MCMBP: variants seen among roughly 807,000 people sequenced by gnomAD.
The protein encoded by MCMBP is minichromosome maintenance complex binding protein.
MCMBP carries 31 observed loss-of-function variants against 81.3 expected under a neutral mutation model. The observed-to-expected ratio is 0.38, with a 90% CI of 0.29 to 0.51. MCMBP has a LOEUF of 0.51. Ranked by LOEUF, MCMBP falls within the 20% of genes least tolerant of loss-of-function variation. MCMBP has a pLI of 0.87. For missense variants in MCMBP, 645 were observed against 772.1 expected, an observed-to-expected ratio of 0.84 and a Z score of 1.95; for synonymous variants, 267 against 275.9, an observed-to-expected ratio of 0.97 and a Z score of 0.32.
intron 1 of MCMBP, among the ~76,000 whole-genome samples, chr10:119,864,216 T>G (rs1853367782): frequency 6.6e-6 from 1 of 152,258 alleles, no homozygotes; most frequent in Non-Finnish European, 1.5e-5. Flanking sequence ...GCCTCCACAA[T>G]GGAATGCAAG....
At chr10:119,861,759 AG>A (rs1195844378) in intron 1 of MCMBP, among the ~76,000 whole-genome samples, 1 of 152,120 alleles carries the variant, frequency 6.6e-6, no homozygotes, top group African/African-American at 2.4e-5. Flanking sequence ...TTTTTCAGGC[AG>A]GGTGTTGTGT....
chr10:119,857,532 C>A, intron 4 of MCMBP, 93 bp from the exon 5 acceptor site: 1 of 642,424 alleles, frequency 1.6e-6, no homozygotes, highest in Admixed American at 3.0e-5. Flanking sequence ...CATTATAACA[C>A]CACAGCAAAT....
intron 7 of MCMBP, among the ~76,000 whole-genome samples, chr10:119,849,147 T>C (rs577702165): frequency 5.3e-4 from 80 of 152,176 alleles, no homozygotes; most frequent in African/African-American, 1.9e-3. Flanking sequence ...GCTATGAATA[T>C]GGAAGAAGGA....
chr10:119,842,764 C>T, intron 9 of MCMBP, 169 bp from the exon 10 acceptor site: 2 of 703,326 alleles, frequency 2.8e-6, no homozygotes, highest in Non-Finnish European at 4.3e-6. Context: ...AGTTTGCATC[C>T]TCCTTTTTTT....
At chr10:119,858,975 A>G in intron 3 of MCMBP, 50 bp from the exon 4 acceptor site, 1 of 1,610,088 alleles carries the variant, frequency 6.2e-7, no homozygotes, top group Admixed American at 1.7e-5. Flanking sequence ...TATCTGAACC[A>G]AAACTACCAC....
In MCMBP at chr10:119,842,480, G is replaced by C. The variant is rs758109156; in HGVS notation, c.1116C>G (p.Ile372Met). 4.3e-6 allele frequency: 7 copies of C among 1,613,158 alleles called. No individual in the cohort carries two copies. The South Asian group carries it at 6.6e-5, about 15-fold the overall frequency. Residue 372 changes from isoleucine (I) to methionine (M), a missense_variant, in exon 10 of 16, where the codon ATC (isoleucine) becomes ATG (methionine). By Grantham distance (10) the Ile-to-Met change is conservative. Transcript: ENST00000369077. Reference protein sequence around the residue: ...LAAEYLILHLISTVYTRRDVL... With the variant: ...LAAEYLILHLMSTVYTRRDVL... ...CAGGATACAGCACTTACACTGTGGA[G>C]ATGAGATGTAATATAAGGTATTCAG...
chr10:119,845,261 A>C (rs1441863612), intron 8 of MCMBP, among the ~76,000 whole-genome samples: 1 of 152,166 alleles, frequency 6.6e-6, no homozygotes, highest in South Asian at 2.1e-4. Flanking sequence ...AAAAATGTTA[A>C]GTTCATCCTA....
intron 13 of MCMBP, among the ~76,000 whole-genome samples, chr10:119,836,311 AT>A (rs1852239902): frequency 6.6e-6 from 1 of 152,210 alleles, no homozygotes; most frequent in South Asian, 2.1e-4. Flanking sequence ...CAGAAAACAT[AT>A]CCTTGAGCCA....
At chr10:119,833,803 T>C (rs769313950) in intron 14 of MCMBP, among the ~76,000 whole-genome samples, 1 of 152,048 alleles carries the variant, frequency 6.6e-6, no homozygotes, top group Non-Finnish European at 1.5e-5. Context: ...AGACTCTAAA[T>C]TGGCTATTTT....
intron 1 of MCMBP, among the ~76,000 whole-genome samples, chr10:119,862,044 C>T (rs539080392): frequency 6.6e-6 from 1 of 152,164 alleles, no homozygotes; most frequent in African/African-American, 2.4e-5. Context: ...CGGTGGCTCA[C>T]ACCTGTAATT....
At chr10:119,868,849 C>G (rs1853564044) in intron 1 of MCMBP, among the ~76,000 whole-genome samples, 1 of 152,074 alleles carries the variant, frequency 6.6e-6, no homozygotes, top group African/African-American at 2.4e-5. Context: ...GCAAAAAGGC[C>G]TAGACACAGG....
intron 5 of MCMBP, among the ~76,000 whole-genome samples, chr10:119,855,872 A>T (rs908951210): frequency 1.3e-5 from 2 of 152,212 alleles, no homozygotes; most frequent in Non-Finnish European, 2.9e-5. Context: ...TAAATTCAAC[A>T]ACTGGGTTTA....
At chr10:119,847,220 G>A (rs564230316) in intron 8 of MCMBP, among the ~76,000 whole-genome samples, 14 of 152,178 alleles carry the variant, frequency 9.2e-5, no homozygotes, top group Non-Finnish European at 1.6e-4. Context: ...ACTGGGGGAT[G>A]CAGAAGGGAG....
chr10:119,861,764 G>A (rs1853261474), intron 1 of MCMBP, among the ~76,000 whole-genome samples: 2 of 152,168 alleles, frequency 1.3e-5, no homozygotes, highest in African/African-American at 4.8e-5. Flanking sequence ...CAGGCAGGGT[G>A]TTGTGTTGCT....
intron 10 of MCMBP, 41 bp downstream of exon 10, chr10:119,842,431 A>G (rs1465195972): frequency 2.5e-6 from 4 of 1,581,186 alleles, no homozygotes; most frequent in African/African-American, 1.4e-5. Flanking sequence ...ACTTCCACAC[A>G]CACCAAACTC....
At chr10:119,854,071 C>T (rs1160105781) in intron 5 of MCMBP, among the ~76,000 whole-genome samples, 4 of 147,740 alleles carry the variant, frequency 2.7e-5, no homozygotes, top group South Asian at 2.1e-4. Flanking sequence ...GAGACAGTCT[C>T]GTTCTGTTGC....
intron 1 of MCMBP, among the ~76,000 whole-genome samples, chr10:119,864,454 G>A (rs1203211946): frequency 4.6e-5 from 7 of 151,562 alleles, no homozygotes; most frequent in Admixed American, 6.6e-5. Flanking sequence ...TACAGTCTAC[G>A]GTGGTTATCT....
rs1255001239 is a variant in MCMBP at position 119,830,891 on chromosome 10, GT to G, written c.*582del. The G allele has an allele frequency of 6.6e-6, 1 of 152,562 alleles. No individual in the cohort carries two copies. The allele number at this position is 152,562 out of a possible 1,614,324, so 9.5% of individuals were successfully genotyped here. A position where few individuals can be genotyped will look rare whatever the true frequency, so the allele number is the denominator to read the frequency against. On this transcript the variant is annotated 3_prime_UTR_variant, in exon 16 of 16. Coordinates refer to ENST00000369077, the MANE Select transcript of MCMBP (RefSeq NM_001256378.2). ...GGAACCACTGCCATGTACAAGTTTAGTTTTGCAGGCTGTTAACAAATGTTAA... is the reference window on the plus strand; with the variant it reads ...GGAACCACTGCCATGTACAAGTTTAGTTTGCAGGCTGTTAACAAATGTTAA...
intron 10 of MCMBP, among the ~76,000 whole-genome samples, chr10:119,841,644 A>G (rs1296506889): frequency 6.6e-6 from 1 of 152,244 alleles, no homozygotes. Flanking sequence ...AAAACCAATG[A>G]ACATGTACCT....
Sources: allele counts gnomAD v4.1 joint callset (sites outside exome capture counted in the v4.1 genomes callset), GRCh38; gene constraint gnomAD v4.1.1; transcripts MANE v1.5; gene names NCBI Gene and HGNC (gene_info 2026-07-23, HGNC 2026-07-21).